Variants in SPATA13 observed in about 807,000 individuals in gnomAD.
SPATA13 encodes spermatogenesis-associated protein 13.
A neutral mutation model predicts 104.0 loss-of-function variants in SPATA13; 50 were observed. The ratio of observed to expected loss-of-function variants is 0.48; its 90% CI spans 0.38 to 0.61. SPATA13 has a LOEUF of 0.61. SPATA13 is among the 20% of genes least tolerant of loss of function. SPATA13 has a pLI of 0.00. For missense variants in SPATA13, 1,524 were observed against 1,690.6 expected (o/e 0.90, Z 1.73); for synonymous variants, 606 against 667.5 (o/e 0.91, Z 1.42).
intron 2 of SPATA13, 150 bp from the exon 3 acceptor site, chr13:24,249,327 A>G (rs750664870): frequency 2.0e-6 from 2 of 979,740 alleles, no homozygotes; most frequent in Non-Finnish European, 1.5e-6. Flanking sequence ...TTGTGTCTTC[A>G]TGTTCTAGTA....
chr13:24,263,803 A>G (rs1193295090), intron 4 of SPATA13, among the ~76,000 whole-genome samples: 1 of 152,250 alleles, frequency 6.6e-6, no homozygotes, highest in African/African-American at 2.4e-5. Context: ...ACAAAACGAG[A>G]TGAATCAATT....
intron 1 of SPATA13, among the ~76,000 whole-genome samples, chr13:24,190,003 A>AT (rs1869518478): frequency 1.3e-4 from 1 of 7,686 alleles, no homozygotes; most frequent in African/African-American, 1.5e-4. Context: ...AACATATAAT[A>AT]ATATATTATT....
chr13:24,301,662 C>T (rs1032680553), intron 12 of SPATA13, among the ~76,000 whole-genome samples: 4 of 152,200 alleles, frequency 2.6e-5, no homozygotes, highest in African/African-American at 9.7e-5. Flanking sequence ...GTAGGGAGAG[C>T]CTTCTGGCAG....
In SPATA13 at chr13:24,058,062, CTGGCCATGCTG is replaced by C. The variant is rs1878630830; in HGVS notation, c.-112+40367_-112+40377del. 5.3e-5 allele frequency among the ~76,000 whole-genome samples: 8 copies of C among 151,960 alleles called. No individual in the cohort carries two copies. In the South Asian group the frequency reaches 1.7e-3, roughly 32 times the overall value. On this transcript the variant is annotated intron_variant, in intron 3 of 14. Coordinates refer to the SPATA13 transcript ENST00000424834. ...CACCCAACGCAAGATGAGCTCCCAT[CTGGCCATGCTG>C]TGGCCCCACACCTGATCCCACATTG...
At chr13:24,101,004 T>C (rs1880239631) in intron 3 of SPATA13, among the ~76,000 whole-genome samples, 1 of 152,236 alleles carries the variant, frequency 6.6e-6, no homozygotes. Flanking sequence ...GCATTATTCC[T>C]GGGAATTATG....
chr13:24,291,585 G>A (rs899288184), intron 9 of SPATA13, among the ~76,000 whole-genome samples: 1 of 152,184 alleles, frequency 6.6e-6, no homozygotes, highest in Non-Finnish European at 1.5e-5. Flanking sequence ...CCTGCTGGGA[G>A]CACAGGGCTT....
intron 3 of SPATA13, among the ~76,000 whole-genome samples, chr13:24,131,506 T>C (rs1239981734): frequency 1.3e-5 from 2 of 152,304 alleles, no homozygotes; most frequent in East Asian, 1.9e-4. Flanking sequence ...ACAAGTCAGA[T>C]AAAAGGATTT....
chr13:24,024,133 G>C (rs1018180999), intron 3 of SPATA13, among the ~76,000 whole-genome samples: 5 of 152,166 alleles, frequency 3.3e-5, no homozygotes, highest in African/African-American at 1.2e-4. Context: ...GTTTCATTCA[G>C]AGCAATCCAT....
chr13:24,113,507 G>C (rs1047323073), intron 3 of SPATA13, among the ~76,000 whole-genome samples: 3 of 151,998 alleles, frequency 2.0e-5, no homozygotes, highest in African/African-American at 7.3e-5. Flanking sequence ...GGGAGGCTGA[G>C]GCATGAGAAT....
At chr13:24,131,374 A>G (rs1261930523) in intron 3 of SPATA13, among the ~76,000 whole-genome samples, 5 of 152,156 alleles carry the variant, frequency 3.3e-5, no homozygotes, top group Non-Finnish European at 5.9e-5. Context: ...CTGACTTCTC[A>G]CAGGGCTGAC....
At chr13:24,108,592 T>G (rs1712311431) in intron 3 of SPATA13, among the ~76,000 whole-genome samples, 1 of 152,164 alleles carries the variant, frequency 6.6e-6, no homozygotes, top group South Asian at 2.1e-4. Context: ...AGGCAGTTTA[T>G]TTAATTTCTT....
chr13:23,999,201 A>T (rs1391588644), intron 2 of SPATA13, among the ~76,000 whole-genome samples: 1 of 152,130 alleles, frequency 6.6e-6, no homozygotes, highest in Non-Finnish European at 1.5e-5. Context: ...TGCTGGGATT[A>T]CAGGCATGAG....
intron 5 of SPATA13, among the ~76,000 whole-genome samples, chr13:24,285,630 C>T (rs376269064): frequency 1.3e-5 from 2 of 151,674 alleles, no homozygotes; most frequent in African/African-American, 4.8e-5. Context: ...AATTCTCCTG[C>T]CTCAGCCTCC....
At position 24,173,511 on chromosome 13, in the gene SPATA13, CTTT is replaced by C. The variant is rs34242537; in HGVS notation, c.-112+12591_-112+12593del. On this transcript the variant is annotated intron_variant, in intron 1 of 12. Transcript: ENST00000382108. ...CCTTTTATTCCCCCCCGTCCCCCAA[CTTT>C]TTTTTTTTTTTGGCCTTATTGCATT... Among the ~76,000 whole-genome samples, 545 of 136,170 alleles carry C rather than the reference CTTT, an allele frequency of 4.0e-3. 4 individuals are homozygous for C. The highest frequency in any genetic ancestry group is 0.014 in the African/African-American group (525 of 36,664). The allele number at this position is 136,170 out of a possible 152,430, so 89.3% of individuals were successfully genotyped here. A position where few individuals can be genotyped will look rare whatever the true frequency, so the allele number is the denominator to read the frequency against.
At chr13:24,179,444 T>C (rs1868653616) in intron 1 of SPATA13, among the ~76,000 whole-genome samples, 1 of 152,206 alleles carries the variant, frequency 6.6e-6, no homozygotes, top group Non-Finnish European at 1.5e-5. Context: ...TATTTAAAAA[T>C]TTAAAAATTG....
intron 4 of SPATA13, 72 bp downstream of exon 4, chr13:24,251,934 A>C: frequency 6.5e-7 from 1 of 1,534,706 alleles, no homozygotes; most frequent in Non-Finnish European, 8.8e-7. Context: ...AACCTGAGGC[A>C]GCAGGTTCTG....
At chr13:24,202,877 C>A (rs1443692690) in intron 1 of SPATA13, among the ~76,000 whole-genome samples, 4 of 152,042 alleles carry the variant, frequency 2.6e-5, no homozygotes, top group East Asian at 1.9e-4. Context: ...CACTTACTTG[C>A]CCAATTTAGG....
chr13:24,097,155 A>C (rs1031712316), intron 3 of SPATA13, among the ~76,000 whole-genome samples: 16 of 152,176 alleles, frequency 1.1e-4, no homozygotes, highest in African/African-American at 3.4e-4. Context: ...GGGAGCTGTC[A>C]GTGCACCCGG....
chr13:24,124,979 A>G (rs182372201), intron 3 of SPATA13, among the ~76,000 whole-genome samples: 1 of 152,352 alleles, frequency 6.6e-6, no homozygotes, highest in East Asian at 1.9e-4. Context: ...AAACTCATTC[A>G]TAGGGTCAGA....
Sources: allele counts gnomAD v4.1 joint callset (sites outside exome capture counted in the v4.1 genomes callset), GRCh38; gene constraint gnomAD v4.1.1; transcripts MANE v1.5; gene names NCBI Gene and HGNC (gene_info 2026-07-23, HGNC 2026-07-21).